Variants in DLG1 observed in about 807,000 individuals in gnomAD.
DLG1 encodes the protein disks large homolog 1.
A neutral mutation model predicts 123.4 loss-of-function variants in DLG1; 42 were observed. The observed-to-expected ratio is 0.34, with a 90% confidence interval of 0.27 to 0.44. The LOEUF is 0.44. DLG1 is among the 20% of genes least tolerant of loss of function. DLG1 has a pLI of 1.00. For missense variants in DLG1, 942 were observed against 1,082.6 expected, an observed-to-expected ratio of 0.87 and a Z score of 1.82; for synonymous variants, 317 against 356.2, an observed-to-expected ratio of 0.89 and a Z score of 1.24.
chr3:197,076,696 G>C lies in DLG1; in HGVS notation c.1906-11C>G. On this transcript the variant is annotated splice_polypyrimidine_tract_variant and intron_variant, in intron 17 of 24. Coordinates refer to ENST00000667157, the MANE Select transcript of DLG1 (RefSeq NM_001366207.1). The stretch of plus-strand genomic sequence containing the variant: ...GTCATTGAATGACTGCTGAAGAAGA[G>C]AAGGAGGGGCAAAACAAAGGGATGT... The C allele has an allele frequency of 7.5e-6, 12 of 1,604,556 alleles. No homozygotes were observed. Among genetic ancestry groups the C allele is most frequent in the Non-Finnish European group, 1.0e-5 (12 of 1,172,016 alleles).
chr3:197,297,196 G>C lies in DLG1; in HGVS notation c.9C>G (p.Val3=), dbSNP rs1175860365. Residue 3 remains valine, a synonymous_variant, in exon 2 of 25, where the codon GTC becomes GTG. Coordinates refer to ENST00000667157, the MANE Select transcript of DLG1 (RefSeq NM_001366207.1). ...GGAATAAACTCTCACCTTGCTTCCG[G>C]ACCGGCATTTTTCTCCAGAATCAGG... MP[V]RKQDTQRALH... 3.7e-6 allele frequency: 6 copies of C among 1,614,044 alleles called. No individual in the cohort carries two copies. Among genetic ancestry groups the C allele is most frequent in the Non-Finnish European group, 4.2e-6 (5 of 1,180,000 alleles).
chr3:197,278,383 T>G (rs1767571234), intron 4 of DLG1, among the ~76,000 whole-genome samples: 1 of 146,378 alleles, frequency 6.8e-6, no homozygotes, highest in Non-Finnish European at 1.5e-5. Context: ...GGCAGGATGA[T>G]CCCTGGAGCC....
At chr3:197,096,274 ACT>A (rs1760594342) in intron 14 of DLG1, among the ~76,000 whole-genome samples, 1 of 152,130 alleles carries the variant, frequency 6.6e-6, no homozygotes, top group South Asian at 2.1e-4. Flanking sequence ...CATATTTGTA[ACT>A]CTCTTCTCAA....
intron 15 of DLG1, among the ~76,000 whole-genome samples, chr3:197,089,674 A>T (rs1377831424): frequency 2.0e-5 from 3 of 152,128 alleles, no homozygotes; most frequent in Admixed American, 6.5e-5. Context: ...TACAAATAAA[A>T]GGCAACACCT....
intron 4 of DLG1, among the ~76,000 whole-genome samples, chr3:197,224,839 A>G (rs908749012): frequency 6.6e-6 from 1 of 152,052 alleles, no homozygotes; most frequent in Admixed American, 6.5e-5. Flanking sequence ...CAGTCATACA[A>G]AAACTAAAAA....
intron 5 of DLG1, among the ~76,000 whole-genome samples, chr3:197,190,556 C>A (rs149634162): frequency 6.6e-6 from 1 of 152,170 alleles, no homozygotes; most frequent in Admixed American, 6.5e-5. Context: ...ACTATAGTAG[C>A]CGTAATAGTG....
chr3:197,068,613 A>G (rs1741393262), intron 19 of DLG1: 1 of 909,544 alleles, frequency 1.1e-6, no homozygotes, highest in African/African-American at 1.6e-5. Flanking sequence ...AACTGATATT[A>G]TGTACCCTCC....
intron 4 of DLG1, among the ~76,000 whole-genome samples, chr3:197,217,308 G>C (rs1734609008): frequency 6.6e-6 from 1 of 152,200 alleles, no homozygotes; most frequent in African/African-American, 2.4e-5. Context: ...ATTCTAATTG[G>C]TGTTGATTAA....
At chr3:197,274,228 G>A (rs950742061) in intron 4 of DLG1, among the ~76,000 whole-genome samples, 3 of 152,096 alleles carry the variant, frequency 2.0e-5, no homozygotes, top group Non-Finnish European at 2.9e-5. Flanking sequence ...AAGTGAGCAT[G>A]GTACTGATGT....
intron 3 of DLG1, among the ~76,000 whole-genome samples, chr3:197,292,163 C>T (rs1775249894): frequency 6.6e-6 from 1 of 152,148 alleles, no homozygotes; most frequent in Non-Finnish European, 1.5e-5. Flanking sequence ...GAAATATTTG[C>T]ACACTCACAT....
At chr3:197,199,060 T>C (rs1724205443) in intron 4 of DLG1, among the ~76,000 whole-genome samples, 1 of 152,112 alleles carries the variant, frequency 6.6e-6, no homozygotes. Context: ...ATGAGTACCT[T>C]CAAATTATTA....
intron 4 of DLG1, among the ~76,000 whole-genome samples, chr3:197,234,213 G>A (rs1433925939): frequency 2.0e-5 from 3 of 152,190 alleles, no homozygotes; most frequent in Non-Finnish European, 4.4e-5. Context: ...TAAGCCTAAC[G>A]ATCTTTATTT....
chr3:197,194,402 A>G (rs1306502103), intron 5 of DLG1, 23 bp downstream of exon 5: 3 of 1,469,610 alleles, frequency 2.0e-6, no homozygotes, highest in Non-Finnish European at 2.7e-6. Flanking sequence ...ATTCATAACA[A>G]TAATAAATAG....
chr3:197,248,203 C>A lies in DLG1; in HGVS notation c.318+34476G>T, dbSNP rs146407354. Among the ~76,000 whole-genome samples the A allele has an allele frequency of 3.0e-3, 450 of 152,294 alleles. 8 individuals carry two copies. The highest frequency in any genetic ancestry group is 0.011 in the African/African-American group (439 of 41,546). On this transcript the variant is annotated intron_variant, in intron 4 of 24. Transcript: ENST00000667157. The stretch of plus-strand genomic sequence containing the variant: ...GTTCTGACCAAGATATACTTCACCG[C>A]CCCCTGGCTTTTCTTACTTTGATCT...
intron 7 of DLG1, 147 bp downstream of exon 7, chr3:197,142,571 T>C: frequency 4.2e-6 from 2 of 476,368 alleles, no homozygotes; most frequent in Non-Finnish European, 7.2e-6. Context: ...GGCAAATGTT[T>C]TGAAAATACC....
intron 4 of DLG1, among the ~76,000 whole-genome samples, chr3:197,275,273 G>A (rs1765869632): frequency 6.6e-6 from 1 of 152,126 alleles, no homozygotes; most frequent in Middle Eastern, 3.4e-3. Flanking sequence ...TTCTGGCTAC[G>A]GATGTAAAGA....
intron 14 of DLG1, among the ~76,000 whole-genome samples, chr3:197,093,011 T>C (rs550717223): frequency 8.5e-5 from 13 of 152,304 alleles, no homozygotes; most frequent in African/African-American, 2.6e-4. Context: ...CTTTTTCTCA[T>C]CCTATTCTGT....
At chr3:197,167,994 A>G (rs1159378253) in intron 5 of DLG1, among the ~76,000 whole-genome samples, 4 of 152,260 alleles carry the variant, frequency 2.6e-5, no homozygotes, top group Non-Finnish European at 5.9e-5. Context: ...GATAGCCAAA[A>G]TAAGACAAAA....
chr3:197,274,007 ATT>A (rs1233875707), intron 4 of DLG1, among the ~76,000 whole-genome samples: 4 of 152,208 alleles, frequency 2.6e-5, no homozygotes, highest in African/African-American at 9.6e-5. Flanking sequence ...AAAAACTAAT[ATT>A]GTTAAAATGT....
Sources: allele counts gnomAD v4.1 joint callset (sites outside exome capture counted in the v4.1 genomes callset), GRCh38; gene constraint gnomAD v4.1.1; transcripts MANE v1.5; gene names NCBI Gene and HGNC (gene_info 2026-07-23, HGNC 2026-07-21).